Variants in PLXDC1 observed in about 807,000 individuals in gnomAD.
PLXDC1 encodes plexin domain-containing protein 1.
In PLXDC1, 39 loss-of-function variants were observed where a neutral mutation model predicts 61.3. The ratio of observed to expected loss-of-function variants is 0.64; its 90% CI spans 0.49 to 0.83. PLXDC1 has a LOEUF of 0.83. Ranked by LOEUF, PLXDC1 falls within the 40% of genes least tolerant of loss-of-function variation. The pLI is 0.00. For synonymous variants in PLXDC1, 212 were observed against 254.5 expected, an observed-to-expected ratio of 0.83 and a Z score of 1.59; for missense variants, 596 against 666.5, an observed-to-expected ratio of 0.89 and a Z score of 1.17.
At chr17:39,152,779 A>G (rs1435289611), upstream of PLXDC1, 1 of 885,246 alleles carries the variant, frequency 1.1e-6, no homozygotes, top group Non-Finnish European at 1.5e-6. Flanking sequence ...TTAAAAAAAA[A>G]AAAAAGAAAA....
intron 7 of PLXDC1, among the ~76,000 whole-genome samples, chr17:39,092,038 ACCCAT>A (rs1159252778): frequency 6.6e-6 from 1 of 151,758 alleles, no homozygotes; most frequent in African/African-American, 2.4e-5. Flanking sequence ...AGACAGATTA[ACCCAT>A]AGACAGATAC....
intron 7 of PLXDC1, among the ~76,000 whole-genome samples, chr17:39,097,471 A>G (rs530860201): frequency 6.6e-6 from 1 of 152,030 alleles, no homozygotes; most frequent in Non-Finnish European, 1.5e-5. Flanking sequence ...CCTTAGCCAC[A>G]TAAAAGCCAT....
chr17:39,148,595 A>G (rs1004096382), intron 1 of PLXDC1, among the ~76,000 whole-genome samples: 93 of 151,970 alleles, frequency 6.1e-4, no homozygotes, highest in African/African-American at 2.2e-3. Flanking sequence ...AATACTAAAT[A>G]TACTAATTTT....
chr17:39,069,945 G>A lies in PLXDC1; in HGVS notation c.1294C>T (p.Leu432=). 1.2e-6 allele frequency: 2 copies of A among 1,613,478 alleles called. No homozygotes were observed. Among genetic ancestry groups the A allele is most frequent in the Non-Finnish European group, 1.7e-6 (2 of 1,179,380 alleles). ...ATGGCCGCCACGAGGAGGACTGCCA[G>A]CACGATGCCCACGATGGTGCCCAGG... ...VHLGTIVGIV[L]AVLLVAAIIL... is the part of the protein sequence containing the mutation. Residue 432 remains leucine (L), a synonymous_variant, in exon 13 of 14, where the codon CTG becomes TTG. Coordinates refer to ENST00000315392, the MANE Select transcript of PLXDC1 (RefSeq NM_020405.5).
intron 8 of PLXDC1, 133 bp from the exon 9 acceptor site, chr17:39,083,673 C>T (rs946585099): frequency 2.4e-5 from 17 of 709,796 alleles, no homozygotes; most frequent in Non-Finnish European, 4.1e-5. Context: ...GTCATTAATG[C>T]CACCTCCCTT....
intron 11 of PLXDC1, among the ~76,000 whole-genome samples, chr17:39,072,770 G>A (rs1909176872): frequency 6.6e-6 from 1 of 152,194 alleles, no homozygotes; most frequent in South Asian, 2.1e-4. Flanking sequence ...GGGCGACAGA[G>A]AGATGTGTAA....
Position 39,149,926 on chromosome 17 carries a change from AT to A in PLXDC1, c.76+1435del, listed in dbSNP as rs533568865. 2.0e-3 allele frequency among the ~76,000 whole-genome samples: 306 copies of A among 152,268 alleles called. 2 individuals are homozygous for A. The highest frequency in any genetic ancestry group is 6.1e-3 in the African/African-American group (255 of 41,548). On this transcript the variant is annotated intron_variant, in intron 1 of 13. Transcript: ENST00000315392. ...ATCCAACTCTCTCCTGTTTACCTTG[AT>A]TTTTTTAAAGTATCAGTTACCCATA... is the stretch of plus-strand genomic sequence containing the variant.
intron 3 of PLXDC1, 93 bp from the exon 4 acceptor site, chr17:39,109,066 G>A: frequency 3.9e-6 from 5 of 1,271,212 alleles, no homozygotes; most frequent in Non-Finnish European, 5.7e-6. Context: ...ACAGAGTGGG[G>A]AGCAGGCATG....
intron 7 of PLXDC1, among the ~76,000 whole-genome samples, chr17:39,102,145 T>A (rs2143624606): frequency 6.6e-6 from 1 of 152,234 alleles, no homozygotes; most frequent in Non-Finnish European, 1.5e-5. Context: ...TGGGGCGAGA[T>A]GCTTGGTGGG....
intron 7 of PLXDC1, among the ~76,000 whole-genome samples, chr17:39,105,224 G>T (rs1910552373): frequency 6.6e-6 from 1 of 152,212 alleles, no homozygotes; most frequent in Non-Finnish European, 1.5e-5. Flanking sequence ...GAGCGGCAGT[G>T]CATGGGATGC....
At chr17:39,077,787 T>G in intron 11 of PLXDC1, 126 bp downstream of exon 11, 2 of 846,218 alleles carry the variant, frequency 2.4e-6, no homozygotes, top group Non-Finnish European at 3.7e-6. Context: ...CCCTTAGCTA[T>G]AAAAGGATGG....
chr17:39,084,889 T>A (rs1909687242), intron 8 of PLXDC1, among the ~76,000 whole-genome samples: 1 of 152,174 alleles, frequency 6.6e-6, no homozygotes, highest in Non-Finnish European at 1.5e-5. Context: ...TGCTACTCAC[T>A]TGAATGAACC....
intron 7 of PLXDC1, among the ~76,000 whole-genome samples, chr17:39,088,139 C>T (rs1320395486): frequency 6.6e-6 from 1 of 152,248 alleles, no homozygotes; most frequent in African/African-American, 2.4e-5. Context: ...CCCCCTCCCA[C>T]TGCACTCACC....
At chr17:39,067,997 C>T in intron 13 of PLXDC1, 38 bp from the exon 14 acceptor site, 1 of 1,605,824 alleles carries the variant, frequency 6.2e-7, no homozygotes, top group Non-Finnish European at 8.5e-7. Flanking sequence ...TGGGCATGCC[C>T]CCGCCCCCAT....
At chr17:39,108,275 C>T (rs750190876) in intron 4 of PLXDC1, 30 bp from the exon 5 acceptor site, 1 of 1,612,584 alleles carries the variant, frequency 6.2e-7, no homozygotes, top group Non-Finnish European at 8.5e-7. Context: ...GAGGAGTCAC[C>T]AGAAATGGCC....
At chr17:39,090,310 T>C (rs1280538894) in intron 7 of PLXDC1, among the ~76,000 whole-genome samples, 2 of 151,812 alleles carry the variant, frequency 1.3e-5, no homozygotes, top group Non-Finnish European at 2.9e-5. Flanking sequence ...TCAATAAAGA[T>C]TCCCTGGAGC....
chr17:39,127,355 A>G (rs1253036951), intron 2 of PLXDC1, among the ~76,000 whole-genome samples: 1 of 152,090 alleles, frequency 6.6e-6, no homozygotes, highest in Non-Finnish European at 1.5e-5. Flanking sequence ...CATCCTGGGA[A>G]ACCCGGGATA....
At chr17:39,121,041 A>G (rs1311245095) in intron 2 of PLXDC1, among the ~76,000 whole-genome samples, 2 of 151,934 alleles carry the variant, frequency 1.3e-5, no homozygotes, top group African/African-American at 4.8e-5. Context: ...AGGTTTCACC[A>G]TGTTGCCCAG....
chr17:39,088,450 T>A (rs1909823828), intron 7 of PLXDC1, among the ~76,000 whole-genome samples: 1 of 152,176 alleles, frequency 6.6e-6, no homozygotes, highest in Admixed American at 6.5e-5. Context: ...AGGCAAGTCA[T>A]TTGGACCTCA....
Sources: gnomAD v4.1 joint callset for allele counts (sites outside exome capture counted in the v4.1 genomes callset) on GRCh38, gnomAD v4.1.1 for gene constraint, MANE v1.5 for transcripts, NCBI Gene and HGNC (gene_info 2026-07-23, HGNC 2026-07-21) for gene names.